GNAI2: variants seen among roughly 807,000 people sequenced by gnomAD.
GNAI2 encodes G protein subunit alpha i2.
A neutral mutation model predicts 36.8 loss-of-function variants in GNAI2; 4 were observed. The observed-to-expected ratio is 0.11, with a 90% confidence interval of 0.05 to 0.25. The LOEUF is 0.25. Ranked by LOEUF, GNAI2 falls within the 10% of genes least tolerant of loss-of-function variation. The pLI is 1.00. For synonymous variants in GNAI2, 194 were observed against 194.1 expected (o/e 1.00, Z 0.01); for missense variants, 230 against 481.3 (o/e 0.48, Z 4.89).
intron 8 of GNAI2, 95 bp from the exon 9 acceptor site, chr3:50,258,273 T>C (rs963646555): frequency 6.6e-6 from 1 of 152,262 alleles, no homozygotes; most frequent in African/African-American, 2.4e-5. Flanking sequence ...AACAAATGGG[T>C]AGGAAAAATA....
At chr3:50,244,666 GT>G (rs1700374406) in intron 1 of GNAI2, among the ~76,000 whole-genome samples, 1 of 152,274 alleles carries the variant, frequency 6.6e-6, no homozygotes, top group South Asian at 2.1e-4. Flanking sequence ...CTGCATGATA[GT>G]TGTTGAGGCT....
chr3:50,234,144 G>A (rs587655489), upstream of GNAI2, among the ~76,000 whole-genome samples: 2 of 145,266 alleles, frequency 1.4e-5, no homozygotes, highest in East Asian at 4.1e-4. Flanking sequence ...TCAGCTCACT[G>A]CAAGCTCCGC....
chr3:50,253,554 C>T lies in GNAI2; in HGVS notation c.464+370C>T, dbSNP rs587773500. ...GATCAGGAGATCGAGACCATCCTGG[C>T]TAACACGGTGAAACCCCGTCTCTAC... On this transcript the variant is annotated intron_variant, in intron 4 of 8. Transcript: ENST00000313601. This position sits in a 1 kb window ranked among gnomAD's most constrained non-coding sequence, Gnocchi z 4.2. 6.6e-6 allele frequency among the ~76,000 whole-genome samples: 1 copy of T among 152,170 alleles called. No homozygotes were observed. The highest frequency in any genetic ancestry group is 2.1e-4 in the South Asian group (1 of 4,824).
At chr3:50,256,642 C>T in intron 5 of GNAI2, 81 bp from the exon 6 acceptor site, 10 of 1,503,396 alleles carry the variant, frequency 6.7e-6, no homozygotes, top group Admixed American at 1.7e-5. Flanking sequence ...GGCCTCTGTC[C>T]TCAGTCAGCC....
chr3:50,243,266 T>A (rs1437426351), intron 1 of GNAI2, among the ~76,000 whole-genome samples: 1 of 152,182 alleles, frequency 6.6e-6, no homozygotes, highest in Non-Finnish European at 1.5e-5. Context: ...AGGTGGTGCC[T>A]TCGAGAAGGA....
intron 5 of GNAI2, 137 bp from the exon 6 acceptor site, chr3:50,256,585 TG>T: frequency 1.1e-6 from 1 of 933,210 alleles, no homozygotes. Context: ...AGGGGTGAAG[TG>T]GGCAAGTGTG....
chr3:50,246,778 C>A, intron 1 of GNAI2: 1 of 607,312 alleles, frequency 1.6e-6, no homozygotes, highest in Non-Finnish European at 2.6e-6. Context: ...GTGTGTGCAG[C>A]CAGTGAGCAA....
rs587642069 is a variant in GNAI2 at position 50,255,583 on chromosome 3, A to G, written c.465-609A>G. Among the ~76,000 whole-genome samples the G allele has an allele frequency of 7.2e-5, 11 of 152,210 alleles. No individual in the cohort carries two copies. In the South Asian group the frequency reaches 1.7e-3, roughly 23 times the overall value. ...TTTGCCTATAGCTCCAACATCCTGG[A>G]TCCTGTCCGAGGCAGGTCTGGCTCA... On this transcript the variant is annotated intron_variant, in intron 4 of 8. Coordinates refer to ENST00000313601, the MANE Select transcript of GNAI2 (RefSeq NM_002070.4). The surrounding 1 kb of genome is among the most constrained non-coding windows in gnomAD (Gnocchi z 4.0).
In GNAI2 at chr3:50,257,061, C is replaced by A. The variant is rs782530894; in HGVS notation, c.848C>A (p.Pro283His). Residue 283 changes from proline to histidine, a missense_variant, in exon 7 of 9, where the codon CCC becomes CAC. By Grantham distance (77) the Pro-to-His change is moderately conservative (BLOSUM62 -2). Transcript: ENST00000313601. Reference protein sequence around the residue: ...DLFEEKITHSPLTICFPEYTG... With the variant: ...DLFEEKITHSHLTICFPEYTG... The stretch of plus-strand genomic sequence containing the variant: ...TTTGAGGAGAAGATCACACACAGTC[C>A]CCTGACCATCTGCTTCCCTGAGTAC... The A allele has an allele frequency of 2.2e-5, 35 of 1,613,992 alleles. No individual in the cohort carries two copies. The highest frequency in any genetic ancestry group is 3.0e-5 in the Non-Finnish European group (35 of 1,179,904).
chr3:50,256,406 G>A (rs1700705790), intron 5 of GNAI2, 86 bp downstream of exon 5: 3 of 1,286,466 alleles, frequency 2.3e-6, no homozygotes, highest in Non-Finnish European at 2.3e-6. Flanking sequence ...GGATCCCCCA[G>A]CCCCACTGAG....
chr3:50,237,241 C>T (rs1700195079), intron 1 of GNAI2, among the ~76,000 whole-genome samples: 1 of 152,228 alleles, frequency 6.6e-6, no homozygotes, highest in African/African-American at 2.4e-5. Flanking sequence ...GCAGAACCCC[C>T]ACGGGGCTGG....
chr3:50,244,663 A>C (rs1700374318), intron 1 of GNAI2, among the ~76,000 whole-genome samples: 1 of 152,166 alleles, frequency 6.6e-6, no homozygotes. Context: ...TGACTGCATG[A>C]TAGTTGTTGA....
At chr3:50,248,026 G>C (rs1473738868) in intron 1 of GNAI2, among the ~76,000 whole-genome samples, 1 of 152,274 alleles carries the variant, frequency 6.6e-6, no homozygotes, top group African/African-American at 2.4e-5. Flanking sequence ...CTTGAGGTCA[G>C]GAGTTCGAGA....
At position 50,238,987 on chromosome 3, in the gene GNAI2, G is replaced by A. The variant is rs1700245276; in HGVS notation, c.118+2534G>A. On this transcript the variant is annotated intron_variant, in intron 1 of 8. Transcript: ENST00000313601. The surrounding 1 kb of genome is among the most constrained non-coding windows in gnomAD (Gnocchi z 5.0). ...AGGCACAGTCCTTGTCACCAGGGCA[G>A]AGGCTGATGTGGTACACACAGGCAA... 1.3e-5 allele frequency among the ~76,000 whole-genome samples: 2 copies of A among 152,372 alleles called. No homozygotes were observed. Among genetic ancestry groups the A allele is most frequent in the South Asian group, 4.1e-4 (2 of 4,828 alleles).
chr3:50,237,053 C>T (rs1256249736), intron 1 of GNAI2, among the ~76,000 whole-genome samples: 3 of 152,232 alleles, frequency 2.0e-5, no homozygotes. Context: ...GAGCCCTGCT[C>T]CCTGCTTCCT....
chr3:50,246,512 C>G (rs1445172469), intron 1 of GNAI2, among the ~76,000 whole-genome samples: 2 of 152,204 alleles, frequency 1.3e-5, no homozygotes, highest in Non-Finnish European at 2.9e-5. Flanking sequence ...GTGGTGGGCT[C>G]AGGGCTACCC....
intron 5 of GNAI2, 81 bp downstream of exon 5, chr3:50,256,401 C>T: frequency 2.3e-6 from 3 of 1,327,056 alleles, no homozygotes; most frequent in Non-Finnish European, 3.3e-6. Context: ...GTCCAGGATC[C>T]CCCAGCCCCA....
chr3:50,256,391 G>A, intron 5 of GNAI2, 71 bp downstream of exon 5: 1 of 1,436,848 alleles, frequency 7.0e-7, no homozygotes, highest in Non-Finnish European at 9.8e-7. Flanking sequence ...GCAGGGGCTG[G>A]TCCAGGATCC....
chr3:50,230,714 A>G, upstream of GNAI2: 1 of 707,370 alleles, frequency 1.4e-6, no homozygotes, highest in Non-Finnish European at 1.7e-6. Context: ...TCTCCATTCC[A>G]GCTGAGGGGC....
Sources: allele counts gnomAD v4.1 joint callset (sites outside exome capture counted in the v4.1 genomes callset), GRCh38; gene constraint gnomAD v4.1.1; non-coding constraint Gnocchi (gnomAD v3.1); transcripts MANE v1.5; gene names NCBI Gene and HGNC (gene_info 2026-07-23, HGNC 2026-07-21).